PTPRN2: variants seen among roughly 807,000 people sequenced by gnomAD.
PTPRN2 encodes receptor-type tyrosine-protein phosphatase N2.
Under a neutral mutation model 118.8 loss-of-function variants are expected in PTPRN2, and 74 were observed. The observed-to-expected ratio is 0.62, with a 90% confidence interval of 0.52 to 0.76. The LOEUF (loss-of-function observed/expected upper bound fraction) is 0.76, where lower values mean the gene tolerates loss of function less well. Ranked by LOEUF, PTPRN2 falls within the 30% of genes least tolerant of loss-of-function variation. The pLI, the probability that PTPRN2 is intolerant of heterozygous loss-of-function variation, is 0.00. For missense variants in PTPRN2, 1,481 were observed against 1,394.4 expected (o/e 1.06, Z -0.99); for synonymous variants, 641 against 608.0 (o/e 1.05, Z -0.80).
At position 158,479,457 on chromosome 7, in the gene PTPRN2, AT is replaced by A. The variant is rs377168618; in HGVS notation, c.163+10277del. On this transcript the variant is annotated intron_variant, in intron 2 of 22. Transcript: ENST00000389418. ...GAGCTCAGAACTTTTTTTCCTCTCC[AT>A]TTTCATGATTAGCAATCACAGGCTG... Among the ~76,000 whole-genome samples the A allele has an allele frequency of 3.2e-4, 49 of 152,020 alleles. 1 individual carries two copies. In the South Asian group the frequency reaches 8.7e-3, roughly 27 times the overall value.
intron 12 of PTPRN2, among the ~76,000 whole-genome samples, chr7:157,704,757 G>A (rs1424559460): frequency 6.6e-6 from 1 of 152,166 alleles, no homozygotes; most frequent in Non-Finnish European, 1.5e-5. Flanking sequence ...AGTTTACGGC[G>A]GCCATTCTAT....
chr7:157,688,735 C>G (rs1372364907), intron 12 of PTPRN2, among the ~76,000 whole-genome samples: 1 of 152,186 alleles, frequency 6.6e-6, no homozygotes, highest in Non-Finnish European at 1.5e-5. Context: ...ACCCGCCTAG[C>G]GTCGCTTGTC....
chr7:158,134,122 T>A, intron 8 of PTPRN2, 63 bp from the exon 9 acceptor site: 1 of 1,540,896 alleles, frequency 6.5e-7, no homozygotes. Context: ...ACACATGCAA[T>A]CAAGGGCTGC....
rs894172985 is a variant in PTPRN2 at position 157,539,385 on chromosome 7, G to A, written c.*1329C>T. 3 of 151,976 alleles carry A rather than the reference G, an allele frequency of 2.0e-5. No homozygotes were observed. Among genetic ancestry groups the A allele is most frequent in the African/African-American group, 7.3e-5 (3 of 41,200 alleles). The allele number at this position is 151,976 out of a possible 1,614,324, so 9.4% of individuals were successfully genotyped here. ...CTAAGATGGAGGAATGCTGTGGGAA[G>A]GGCGGGATGGAGGTGCGTTTTCTAC... On this transcript the variant is annotated 3_prime_UTR_variant, in exon 23 of 23. Transcript: ENST00000389418.
chr7:158,398,775 T>C (rs920317429), intron 2 of PTPRN2, among the ~76,000 whole-genome samples: 3 of 152,180 alleles, frequency 2.0e-5, no homozygotes, highest in African/African-American at 7.2e-5. Flanking sequence ...AGATTTAGGA[T>C]GTATCTATTT....
At chr7:158,192,278 C>A (rs1051987108) in intron 5 of PTPRN2, 49 bp downstream of exon 5, 3 of 1,425,272 alleles carry the variant, frequency 2.1e-6, no homozygotes, top group Non-Finnish European at 1.8e-6. Context: ...GGTACCTGCA[C>A]CCTGAAGGAA....
chr7:158,163,404 G>A (rs112720286), intron 6 of PTPRN2, among the ~76,000 whole-genome samples: 2,607 of 150,572 alleles, frequency 0.017, 74 homozygotes, highest in African/African-American at 0.06. Context: ...ATGCCTGCAC[G>A]GGGTTCTCAA....
chr7:158,275,989 G>A lies in PTPRN2; in HGVS notation c.277+40830C>T, dbSNP rs113699993. ...ACGTCTTGCTGTCAGCATCCCCGCC[G>A]CCTTACACGTGCTATGGCTGCCCTC... On this transcript the variant is annotated intron_variant, in intron 3 of 22. Coordinates refer to ENST00000389418, the MANE Select transcript of PTPRN2 (RefSeq NM_002847.5). Among the ~76,000 whole-genome samples the A allele has an allele frequency of 7.8e-3, 1,194 of 152,220 alleles. 15 individuals are homozygous for A. The highest frequency in any genetic ancestry group is 0.027 in the African/African-American group (1,116 of 41,494).
chr7:158,044,296 C>G (rs2128891765), intron 11 of PTPRN2, among the ~76,000 whole-genome samples: 1 of 152,290 alleles, frequency 6.6e-6, no homozygotes, highest in African/African-American at 2.4e-5. Context: ...ATTGAACCAG[C>G]AGACTGTGGG....
chr7:158,473,811 T>G (rs956704236), intron 2 of PTPRN2, among the ~76,000 whole-genome samples: 1 of 152,160 alleles, frequency 6.6e-6, no homozygotes, highest in Non-Finnish European at 1.5e-5. Flanking sequence ...AAAAAAAGGT[T>G]GGCTATAAAT....
chr7:157,986,900 G>A lies in PTPRN2; in HGVS notation c.1724-88163C>T, dbSNP rs1439929166. On this transcript the variant is annotated intron_variant, in intron 11 of 22. Transcript: ENST00000389418. This position sits in a 1 kb window ranked among gnomAD's most constrained non-coding sequence, Gnocchi z 4.5. ...CCCTCCAGAGTGAATCTGGAGCGAG[G>A]GGGCCCAGTGACTTTGGGGTCATTT... 6.6e-6 allele frequency among the ~76,000 whole-genome samples: 1 copy of A among 152,146 alleles called. No individual in the cohort carries two copies. The highest frequency in any genetic ancestry group is 1.9e-4 in the East Asian group (1 of 5,172).
intron 3 of PTPRN2, among the ~76,000 whole-genome samples, chr7:158,295,715 T>C (rs1800449633): frequency 6.7e-6 from 1 of 148,874 alleles, no homozygotes; most frequent in Non-Finnish European, 1.5e-5. Flanking sequence ...TTTCTGAGGG[T>C]CTAAGCCCAC....
At chr7:157,996,910 T>C (rs1804790609) in intron 11 of PTPRN2, among the ~76,000 whole-genome samples, 1 of 152,146 alleles carries the variant, frequency 6.6e-6, no homozygotes. Context: ...TGACACATCC[T>C]AGGCCCGGGG....
At chr7:158,241,175 CTA>C (rs1795883439) in intron 3 of PTPRN2, among the ~76,000 whole-genome samples, 1 of 152,224 alleles carries the variant, frequency 6.6e-6, no homozygotes, top group African/African-American at 2.4e-5. Flanking sequence ...TCCAGTTCGG[CTA>C]TAGTTTCCTT....
chr7:158,229,878 T>TTG, intron 3 of PTPRN2, among the ~76,000 whole-genome samples: 1 of 152,014 alleles, frequency 6.6e-6, no homozygotes, highest in East Asian at 1.9e-4. Flanking sequence ...CATAAACATC[T>TTG]AGGTACAGGA....
At chr7:158,126,196 C>T (rs112798803) in intron 9 of PTPRN2, among the ~76,000 whole-genome samples, 1,660 of 22,838 alleles carry the variant, frequency 0.073, 315 homozygotes, top group Admixed American at 0.12. Flanking sequence ...CCCAGGACAG[C>T]GGCGGCGGAA....
intron 11 of PTPRN2, among the ~76,000 whole-genome samples, chr7:158,067,908 G>T (rs1402278292): frequency 6.6e-6 from 1 of 152,210 alleles, no homozygotes; most frequent in Non-Finnish European, 1.5e-5. Context: ...CCGGGTCATG[G>T]TGTGCTTAGA....
chr7:157,866,631 A>C (rs1810690028), intron 12 of PTPRN2, among the ~76,000 whole-genome samples: 1 of 152,066 alleles, frequency 6.6e-6, no homozygotes, highest in African/African-American at 2.4e-5. Flanking sequence ...GGCACCCAGC[A>C]TGAGTGCCCA....
intron 19 of PTPRN2, among the ~76,000 whole-genome samples, chr7:157,572,521 G>A (rs1019053738): frequency 6.6e-6 from 1 of 152,240 alleles, no homozygotes; most frequent in Admixed American, 6.5e-5. Context: ...GGGGCAGGGT[G>A]GCTGTGGAAG....
Sources: allele counts gnomAD v4.1 joint callset (sites outside exome capture counted in the v4.1 genomes callset), GRCh38; gene constraint gnomAD v4.1.1; non-coding constraint Gnocchi (gnomAD v3.1); transcripts MANE v1.5; gene names NCBI Gene and HGNC (gene_info 2026-07-23, HGNC 2026-07-21).